Variants in TMEM132C observed in about 807,000 individuals in gnomAD.
TMEM132C encodes protein phosphatase 1, regulatory subunit 152.
Under a neutral mutation model 61.4 loss-of-function variants are expected in TMEM132C, and 29 were observed. The observed-to-expected ratio is 0.47, with a 90% CI of 0.35 to 0.64. TMEM132C has a LOEUF of 0.64. Ranked by LOEUF, TMEM132C falls within the 30% of genes least tolerant of loss-of-function variation. The pLI is 0.00. For synonymous variants in TMEM132C, 656 were observed against 633.1 expected, an observed-to-expected ratio of 1.04 and a Z score of -0.54; for missense variants, 1,408 against 1,476.9, an observed-to-expected ratio of 0.95 and a Z score of 0.76.
At chr12:128,547,723 CATAA>C (rs1289659076) in intron 3 of TMEM132C, among the ~76,000 whole-genome samples, 1 of 152,168 alleles carries the variant, frequency 6.6e-6, no homozygotes, top group Non-Finnish European at 1.5e-5. Context: ...CCTAGGGAGA[CATAA>C]ATAGTTTCAA....
chr12:128,648,356 G>A (rs985336665), intron 4 of TMEM132C, among the ~76,000 whole-genome samples: 3 of 151,494 alleles, frequency 2.0e-5, no homozygotes, highest in African/African-American at 7.3e-5. Flanking sequence ...GGATATGAGC[G>A]TGTTTACTGG....
intron 1 of TMEM132C, among the ~76,000 whole-genome samples, chr12:128,306,122 C>A (rs1171407031): frequency 1.3e-5 from 2 of 152,034 alleles, no homozygotes; most frequent in African/African-American, 4.8e-5. Context: ...CCAAGAAAGA[C>A]TTCCATTCTA....
At chr12:128,373,588 G>C (rs144958739) in intron 1 of TMEM132C, among the ~76,000 whole-genome samples, 2 of 152,214 alleles carry the variant, frequency 1.3e-5, no homozygotes, top group Non-Finnish European at 2.9e-5. Context: ...CATGCGTAGC[G>C]TAGTGGGATG....
At chr12:128,542,878 A>AC (rs1873809339) in intron 2 of TMEM132C, among the ~76,000 whole-genome samples, 1 of 149,818 alleles carries the variant, frequency 6.7e-6, no homozygotes, top group African/African-American at 2.4e-5. Context: ...AAAAAAAAAA[A>AC]AAAATGTGCT....
At chr12:128,328,835 A>G (rs2135943160) in intron 1 of TMEM132C, among the ~76,000 whole-genome samples, 1 of 151,136 alleles carries the variant, frequency 6.6e-6, no homozygotes, top group Admixed American at 6.6e-5. Flanking sequence ...TTACTTTTGC[A>G]CCAACCTGTA....
intron 1 of TMEM132C, among the ~76,000 whole-genome samples, chr12:128,292,044 C>G (rs1162981918): frequency 6.6e-6 from 1 of 152,184 alleles, no homozygotes; most frequent in Non-Finnish European, 1.5e-5. Context: ...GGGTGCCCTC[C>G]TGTCGCTGGT....
intron 1 of TMEM132C, among the ~76,000 whole-genome samples, chr12:128,337,666 C>G (rs1872825053): frequency 1.3e-5 from 2 of 152,258 alleles, no homozygotes; most frequent in Admixed American, 1.3e-4. Context: ...CTGGGAGGTT[C>G]GTCCCCTTGC....
chr12:128,659,015 G>A (rs1954357987), intron 4 of TMEM132C, among the ~76,000 whole-genome samples: 1 of 152,196 alleles, frequency 6.6e-6, no homozygotes, highest in South Asian at 2.1e-4. Context: ...AGAATGGCCT[G>A]AAACTTGAAG....
In TMEM132C at chr12:128,327,618, C is replaced by T. The variant is rs566730897; in HGVS notation, c.85+60131C>T. ...CAGGATGGTCTCGATCTCCTGACCTCGTGATCTGCCCACCTCAGGCTCCCA... is the reference window on the plus strand; with the variant it reads ...CAGGATGGTCTCGATCTCCTGACCTTGTGATCTGCCCACCTCAGGCTCCCA... On this transcript the variant is annotated intron_variant, in intron 1 of 8. Coordinates refer to ENST00000435159, the MANE Select transcript of TMEM132C (RefSeq NM_001136103.3). Among the ~76,000 whole-genome samples, 467 of 152,184 alleles carry T rather than the reference C, an allele frequency of 3.1e-3. 3 individuals are homozygous for T. Among genetic ancestry groups the T allele is most frequent in the African/African-American group, 0.01 (430 of 41,514 alleles).
chr12:128,533,796 T>C (rs1482723705), intron 2 of TMEM132C, among the ~76,000 whole-genome samples: 1 of 152,018 alleles, frequency 6.6e-6, no homozygotes, highest in Non-Finnish European at 1.5e-5. Context: ...CAACAATAAT[T>C]ATCATTTTTC....
intron 3 of TMEM132C, among the ~76,000 whole-genome samples, chr12:128,592,631 C>T (rs1875793988): frequency 6.6e-6 from 1 of 152,200 alleles, no homozygotes; most frequent in Non-Finnish European, 1.5e-5. Flanking sequence ...AAGCTCCCTG[C>T]CCTGGCTGGA....
At chr12:128,268,780 T>G (rs748079238) in intron 1 of TMEM132C, among the ~76,000 whole-genome samples, 1 of 151,556 alleles carries the variant, frequency 6.6e-6, no homozygotes, top group Non-Finnish European at 1.5e-5. Context: ...CTACTTTCCT[T>G]GAGGCTGCGC....
intron 5 of TMEM132C, among the ~76,000 whole-genome samples, chr12:128,674,497 T>G (rs1009807633): frequency 3.3e-5 from 5 of 152,190 alleles, no homozygotes; most frequent in Admixed American, 2.0e-4. Context: ...CTTGGTCATA[T>G]GGTAACCTTA....
At chr12:128,285,703 C>T (rs1303884718) in intron 1 of TMEM132C, among the ~76,000 whole-genome samples, 7 of 149,910 alleles carry the variant, frequency 4.7e-5, no homozygotes, top group Admixed American at 4.6e-4. Context: ...ATCTCTATCC[C>T]TCTGTCCCTT....
At chr12:128,652,959 AC>A (rs1301656250) in intron 4 of TMEM132C, among the ~76,000 whole-genome samples, 1 of 152,236 alleles carries the variant, frequency 6.6e-6, no homozygotes, top group Non-Finnish European at 1.5e-5. Flanking sequence ...CTACATCTAC[AC>A]AAAGACTTGT....
At chr12:128,476,708 G>T (rs968415851) in intron 2 of TMEM132C, among the ~76,000 whole-genome samples, 4 of 152,308 alleles carry the variant, frequency 2.6e-5, no homozygotes, top group Middle Eastern at 3.4e-3. Flanking sequence ...GTCATTTAGG[G>T]AGTTTTGCAG....
chr12:128,576,352 G>A (rs947241172), intron 3 of TMEM132C, among the ~76,000 whole-genome samples: 1 of 152,166 alleles, frequency 6.6e-6, no homozygotes, highest in Admixed American at 6.5e-5. Flanking sequence ...CCTTAAAATT[G>A]AAACAGAAAA....
chr12:128,364,152 C>A (rs1402871284), intron 1 of TMEM132C, among the ~76,000 whole-genome samples: 1 of 152,096 alleles, frequency 6.6e-6, no homozygotes, highest in Non-Finnish European at 1.5e-5. Flanking sequence ...TGACCTGACC[C>A]ATAACCACAT....
At chr12:128,538,059 T>C (rs568587463) in intron 2 of TMEM132C, among the ~76,000 whole-genome samples, 1 of 152,178 alleles carries the variant, frequency 6.6e-6, no homozygotes, top group South Asian at 2.1e-4. Flanking sequence ...GCTTCCCCCA[T>C]AGCTGGGACT....
Sources: gnomAD v4.1 joint callset for allele counts (sites outside exome capture counted in the v4.1 genomes callset) on GRCh38, gnomAD v4.1.1 for gene constraint, MANE v1.5 for transcripts, NCBI Gene and HGNC (gene_info 2026-07-23, HGNC 2026-07-21) for gene names.